Variants in ZNF675 observed in about 807,000 individuals in gnomAD.
ZNF675 encodes the protein zinc finger protein 675.
ZNF675 carries 36 observed loss-of-function variants against 56.1 expected under a neutral mutation model. The ratio of observed to expected loss-of-function variants is 0.64; its 90% confidence interval spans 0.49 to 0.85. The LOEUF (loss-of-function observed/expected upper bound fraction) is 0.85. Ranked by LOEUF, ZNF675 falls within the 40% of genes least tolerant of loss-of-function variation. ZNF675 has a pLI of 0.00. For synonymous variants in ZNF675, 200 were observed against 218.9 expected (o/e 0.91, Z 0.76); for missense variants, 663 against 654.2 (o/e 1.01, Z -0.15).
At chr19:23,661,141 G>C (rs993648276) in intron 3 of ZNF675, among the ~76,000 whole-genome samples, 1 of 151,780 alleles carries the variant, frequency 6.6e-6, no homozygotes, top group Non-Finnish European at 1.5e-5. Context: ...ATGTTAGCCA[G>C]GTTTCCAAAC....
chr19:23,677,091 G>GGA (rs1568295275), intron 1 of ZNF675, among the ~76,000 whole-genome samples: 7 of 141,938 alleles, frequency 4.9e-5, no homozygotes, highest in Non-Finnish European at 3.0e-5. Flanking sequence ...AAAAAAAAAA[G>GGA]AGAAAAGAAA....
intron 1 of ZNF675, among the ~76,000 whole-genome samples, chr19:23,665,137 G>C (rs1324012425): frequency 1.3e-5 from 2 of 151,818 alleles, no homozygotes; most frequent in Admixed American, 6.6e-5. Flanking sequence ...TTGAGGTCAG[G>C]AGTTCCTGAC....
rs765366608 is a variant in ZNF675, at chr19:23,662,162, T to C, written c.178A>G (p.Lys60Glu). The C allele has an allele frequency of 4.3e-6, 7 of 1,613,612 alleles. 1 individual carries two copies. The highest frequency in any genetic ancestry group is 3.3e-5 in the South Asian group (3 of 90,954). Reference sequence around the variant, plus strand: ...TGTCTCTTCACAGTCAAAGGCTCTTTTTCTTGCTCCAGACAGGTGATCAGG... The same window carrying C: ...TGTCTCTTCACAGTCAAAGGCTCTTCTTCTTGCTCCAGACAGGTGATCAGG... The part of the protein sequence containing the change: ...QDLITCLEQE[K>E]EPLTVKRHEM... Residue 60 changes from lysine (K) to glutamate (E), a missense_variant, in exon 3 of 4, where the codon AAA becomes GAA. Transcript: ENST00000359788.
Position 23,682,170 on chromosome 19 carries a change from C to A in ZNF675, c.3+4861G>T, listed in dbSNP as rs1968385657. ...TTTCCCACAGCAACTAAACTTTGAGCTACACTCAGTCTGAGCCAACATACA... is the reference window on the plus strand; with the variant it reads ...TTTCCCACAGCAACTAAACTTTGAGATACACTCAGTCTGAGCCAACATACA... On this transcript the variant is annotated intron_variant, in intron 1 of 3. Transcript: ENST00000359788. Among the ~76,000 whole-genome samples the A allele has an allele frequency of 1.3e-5, 2 of 151,732 alleles. 1 individual carries two copies. Among genetic ancestry groups the A allele is most frequent in the African/African-American group, 4.9e-5 (2 of 41,034 alleles).
At chr19:23,658,035 A>C (rs2036410475) in intron 3 of ZNF675, among the ~76,000 whole-genome samples, 1 of 152,184 alleles carries the variant, frequency 6.6e-6, no homozygotes, top group Admixed American at 6.5e-5. Context: ...TTACTCATAA[A>C]ATCTTGCAGG....
intron 1 of ZNF675, among the ~76,000 whole-genome samples, chr19:23,664,602 T>C (rs1381477532): frequency 6.6e-6 from 1 of 152,166 alleles, no homozygotes; most frequent in African/African-American, 2.4e-5. Flanking sequence ...TGAATATATC[T>C]TGAACCCCTC....
At chr19:23,669,485 G>T (rs539089786) in intron 1 of ZNF675, among the ~76,000 whole-genome samples, 1,024 of 10,854 alleles carry the variant, frequency 0.094, 15 homozygotes, top group Admixed American at 0.11. Flanking sequence ...GCACGGTGGT[G>T]GGGGGGTGGG....
At chr19:23,658,969 A>ATCTCTAGAGATC (rs1568289318) in intron 3 of ZNF675, among the ~76,000 whole-genome samples, 2 of 145,654 alleles carry the variant, frequency 1.4e-5, no homozygotes, top group Admixed American at 6.9e-5. Flanking sequence ...CTATAGATAG[A>ATCTCTAGAGATC]TATAGATCTA....
rs1967932297 is a variant in ZNF675 at position 23,653,128 on chromosome 19, A to G, written c.*98T>C. ...TTACATACAATGAAGTGTGAAAACC[A>G]TTTAAAGTCTTTGACACATTCTTTA... is the stretch of plus-strand genomic sequence containing the variant. On this transcript the variant is annotated 3_prime_UTR_variant, in exon 4 of 4. Transcript: ENST00000359788. 1 of 1,167,906 alleles carries G rather than the reference A, an allele frequency of 8.6e-7. No individual in the cohort carries two copies. The highest frequency in any genetic ancestry group is 2.6e-5 in the Admixed American group (1 of 38,022). 72.3% of individuals were successfully genotyped at this position (1,167,906 alleles called of 1,614,324 possible).
chr19:23,667,000 A>G (rs866008273), intron 1 of ZNF675, among the ~76,000 whole-genome samples: 2 of 152,112 alleles, frequency 1.3e-5, no homozygotes, highest in African/African-American at 4.8e-5. Context: ...ACTGACTTCA[A>G]CAATGAAGCC....
chr19:23,682,906 AG>A (rs1004173509), intron 1 of ZNF675, among the ~76,000 whole-genome samples: 2 of 151,742 alleles, frequency 1.3e-5, no homozygotes, highest in African/African-American at 4.9e-5. Flanking sequence ...GTTATGTAGT[AG>A]GCCGGGCACG....
Position 23,653,081 on chromosome 19 carries a change from G to GTT in ZNF675, c.*143_*144dup. ...TATTGCCAAATTCTTCACACTTGTA[G>GTT]TTTTCTCCAGTATGAATTATCTTAC... On this transcript the variant is annotated 3_prime_UTR_variant, in exon 4 of 4. Coordinates refer to ENST00000359788, the MANE Select transcript of ZNF675 (RefSeq NM_138330.3). 1 of 784,656 alleles carries GTT rather than the reference G, an allele frequency of 1.3e-6. No homozygotes were observed. The highest frequency in any genetic ancestry group is 2.3e-5 in the South Asian group (1 of 43,678). 48.6% of individuals were successfully genotyped at this position (784,656 alleles called of 1,614,324 possible).
At position 23,654,209 on chromosome 19, in the gene ZNF675, T is replaced by C. The variant is rs1279226836; in HGVS notation, c.724A>G (p.Asn242Asp). 6.2e-7 allele frequency: 1 copy of C among 1,613,924 alleles called. No homozygotes were observed. The highest frequency in any genetic ancestry group is 8.5e-7 in the Non-Finnish European group (1 of 1,179,966). The change falls in exon 4 of 4, where the codon AAC becomes GAC. Residue 242 changes from asparagine to aspartate, a missense_variant. Asn to Asp is a conservative substitution (Grantham distance 23). Coordinates refer to ENST00000359788, the MANE Select transcript of ZNF675 (RefSeq NM_138330.3). The stretch of plus-strand genomic sequence containing the variant: ...TAATCTTTTTTATATTCAGTAAGGT[T>C]TGAGAATTGGTTAAAAGTTCTGTCA... ...ECDRTFNQFS[N>D]LTEYKKDYAR...
rs1421327151 is a variant in ZNF675, at chr19:23,654,636, T to C, written c.297A>G (p.Thr99=). The change falls in exon 4 of 4, where the codon ACA becomes ACG. Residue 99 remains threonine (T), a synonymous_variant. Transcript: ENST00000359788. Reference sequence around the variant, plus strand: ...TTCCACATTTTTCATATCTTCTCAGTGTCACTTTTTCAAAAGAATCTTTTA... The same window carrying C: ...TTCCACATTTTTCATATCTTCTCAGCGTCACTTTTTCAAAAGAATCTTTTA... The part of the protein sequence containing the change: ...QNIKDSFEKV[T]LRRYEKCGND... 4.4e-6 allele frequency: 7 copies of C among 1,601,240 alleles called. No homozygotes were observed. The highest frequency in any genetic ancestry group is 6.0e-6 in the Non-Finnish European group (7 of 1,175,602).
rs1968033094 is a variant in ZNF675, at chr19:23,658,886, T to TACATAGATATATCTATATAGATATAGAA, written c.226+3227_226+3228insTTCTATATCTATATAGATATATCTATGT. ...AAATAGATCTATAGATATCTATAGATATAGATCTATAGATATCTATAGATA... is the reference window on the plus strand; with the variant it reads ...AAATAGATCTATAGATATCTATAGATACATAGATATATCTATATAGATATAGAAATAGATCTATAGATATCTATAGATA... On this transcript the variant is annotated intron_variant, in intron 3 of 3. Transcript: ENST00000359788. 3.9e-4 allele frequency among the ~76,000 whole-genome samples: 17 copies of TACATAGATATATCTATATAGATATAGAA among 43,694 alleles called. 1 individual carries two copies. The highest frequency in any genetic ancestry group is 1.0e-3 in the African/African-American group (17 of 16,464). 28.7% of individuals were successfully genotyped at this position (43,694 alleles called of 152,430 possible).
chr19:23,678,466 G>T (rs1968330705), intron 1 of ZNF675, among the ~76,000 whole-genome samples: 1 of 148,856 alleles, frequency 6.7e-6, no homozygotes, highest in South Asian at 2.1e-4. Context: ...GGCCAGGCTG[G>T]TCTCGAACCC....
chr19:23,658,862 A>AATAGATCTATAGAT (rs1968030233), intron 3 of ZNF675, among the ~76,000 whole-genome samples: 2 of 15,706 alleles, frequency 1.3e-4, no homozygotes, highest in African/African-American at 2.1e-4. Context: ...TAGATATAGA[A>AATAGATCTATAGAT]ATAGATCTAT....
intron 1 of ZNF675, among the ~76,000 whole-genome samples, chr19:23,667,990 T>C (rs950712197): frequency 2.0e-5 from 3 of 150,604 alleles, no homozygotes; most frequent in African/African-American, 4.9e-5. Context: ...AGACACAGAG[T>C]GTCGACTGGT....
At chr19:23,675,350 A>T (rs1201677413) in intron 1 of ZNF675, among the ~76,000 whole-genome samples, 8 of 151,772 alleles carry the variant, frequency 5.3e-5, no homozygotes, top group Non-Finnish European at 1.2e-4. Flanking sequence ...ACACTTGACC[A>T]AATAGTAATA....
Sources: gnomAD v4.1 joint callset for allele counts (sites outside exome capture counted in the v4.1 genomes callset) on GRCh38, gnomAD v4.1.1 for gene constraint, MANE v1.5 for transcripts, NCBI Gene and HGNC (gene_info 2026-07-23, HGNC 2026-07-21) for gene names.